NRG3: variants seen among roughly 807,000 people sequenced by gnomAD.
The protein encoded by NRG3 is neuregulin 3.
NRG3 carries 31 observed loss-of-function variants against 66.9 expected under a neutral mutation model. The ratio of observed to expected loss-of-function variants is 0.46; its 90% CI spans 0.35 to 0.63. NRG3 has a LOEUF of 0.63. Ranked by LOEUF, NRG3 falls within the 20% of genes least tolerant of loss-of-function variation. The pLI is 0.00. For missense variants in NRG3, 910 were observed against 878.9 expected, an observed-to-expected ratio of 1.04 and a Z score of -0.45; for synonymous variants, 393 against 359.4, an observed-to-expected ratio of 1.09 and a Z score of -1.06.
intron 3 of NRG3, among the ~76,000 whole-genome samples, chr10:82,818,225 C>T (rs2061797003): frequency 6.6e-6 from 1 of 152,160 alleles, no homozygotes; most frequent in African/African-American, 2.4e-5. Flanking sequence ...TTGTAACCGT[C>T]ATGGCACTGG....
chr10:82,923,790 C>A (rs1001180404), intron 4 of NRG3, among the ~76,000 whole-genome samples: 6 of 152,000 alleles, frequency 3.9e-5, no homozygotes, highest in African/African-American at 1.5e-4. Flanking sequence ...CCCCCCTCCT[C>A]CTTCTACCTG....
chr10:82,060,048 C>T (rs1280544948), intron 1 of NRG3, among the ~76,000 whole-genome samples: 1 of 152,064 alleles, frequency 6.6e-6, no homozygotes, highest in East Asian at 1.9e-4. Context: ...TAATAAAGAC[C>T]TTGTTTGTTG....
chr10:81,941,702 A>G (rs1339473714), intron 1 of NRG3, among the ~76,000 whole-genome samples: 2 of 152,100 alleles, frequency 1.3e-5, no homozygotes, highest in Admixed American at 1.3e-4. Flanking sequence ...TGTCCAGTTT[A>G]TTCACAGTGT....
At chr10:82,716,327 C>CT (rs1307140889) in intron 2 of NRG3, among the ~76,000 whole-genome samples, 1 of 152,162 alleles carries the variant, frequency 6.6e-6, no homozygotes, top group African/African-American at 2.4e-5. Context: ...TATATAGACA[C>CT]TTCCCCGTGA....
intron 2 of NRG3, among the ~76,000 whole-genome samples, chr10:82,677,962 A>T (rs898054205): frequency 6.6e-5 from 10 of 152,176 alleles, no homozygotes; most frequent in African/African-American, 2.4e-4. Context: ...GGAAGGGGCC[A>T]CATGCACGGT....
intron 2 of NRG3, among the ~76,000 whole-genome samples, chr10:82,496,323 G>T (rs1029121757): frequency 2.0e-5 from 3 of 152,170 alleles, no homozygotes; most frequent in Non-Finnish European, 4.4e-5. Context: ...TATTTCATAA[G>T]CCTAGTAATA....
intron 4 of NRG3, among the ~76,000 whole-genome samples, chr10:82,925,276 G>A (rs1177617574): frequency 2.0e-5 from 3 of 152,184 alleles, no homozygotes; most frequent in Non-Finnish European, 4.4e-5. Flanking sequence ...TTCTAGCTAT[G>A]CAACAATGAC....
chr10:82,214,616 C>T (rs1236286711), intron 1 of NRG3, among the ~76,000 whole-genome samples: 1 of 150,078 alleles, frequency 6.7e-6, no homozygotes, highest in African/African-American at 2.5e-5. Flanking sequence ...GCACATGCCA[C>T]CACACCTGGC....
chr10:82,836,272 G>A (rs1040979685), intron 3 of NRG3, among the ~76,000 whole-genome samples: 1 of 152,058 alleles, frequency 6.6e-6, no homozygotes, highest in African/African-American at 2.4e-5. Context: ...AAAAAAAATT[G>A]ATGATCATTG....
At chr10:81,939,954 T>C (rs1268607972) in intron 1 of NRG3, among the ~76,000 whole-genome samples, 5 of 152,034 alleles carry the variant, frequency 3.3e-5, no homozygotes, top group Non-Finnish European at 7.4e-5. Flanking sequence ...ATCCCATGGA[T>C]TTTGGTATGC....
At chr10:82,594,623 C>G (rs1057168418) in intron 2 of NRG3, among the ~76,000 whole-genome samples, 1 of 152,154 alleles carries the variant, frequency 6.6e-6, no homozygotes, top group Non-Finnish European at 1.5e-5. Context: ...ATGCTAATCT[C>G]TTTGAATACA....
At chr10:82,534,376 T>C (rs900546297) in intron 2 of NRG3, among the ~76,000 whole-genome samples, 2 of 152,030 alleles carry the variant, frequency 1.3e-5, no homozygotes, top group Non-Finnish European at 2.9e-5. Context: ...GCTATTCTCC[T>C]GCCTCAGCTT....
chr10:82,780,463 C>CT lies in NRG3; in HGVS notation c.1027+41824dup, dbSNP rs1007056127. On this transcript the variant is annotated intron_variant, in intron 3 of 8. Transcript: ENST00000372141. The stretch of plus-strand genomic sequence containing the variant: ...ATTCTGTCATCTCAGCATTGCGCCT[C>CT]TTTTTTTTTTTCTTTTCTTTTTTTT... Among the ~76,000 whole-genome samples the CT allele has an allele frequency of 4.3e-3, 526 of 122,046 alleles. 12 individuals carry two copies. The East Asian group carries it at 0.063, about 15-fold the overall frequency. The allele number at this position is 122,046 out of a possible 152,430, so 80.1% of individuals were successfully genotyped here.
At chr10:82,122,901 A>AT (rs2068186618) in intron 1 of NRG3, among the ~76,000 whole-genome samples, 2 of 151,776 alleles carry the variant, frequency 1.3e-5, no homozygotes, top group East Asian at 3.9e-4. Flanking sequence ...ACACCTCTTA[A>AT]TCTCTCTTTC....
intron 2 of NRG3, among the ~76,000 whole-genome samples, chr10:82,553,951 G>A (rs781771617): frequency 2.0e-5 from 3 of 152,124 alleles, no homozygotes; most frequent in Non-Finnish European, 2.9e-5. Flanking sequence ...GTGCAAACCT[G>A]TAGATTTAAT....
rs74610801 is a variant in NRG3 at position 82,973,233 on chromosome 10, A to G, written c.1285-555A>G. Among the ~76,000 whole-genome samples, 21 of 152,334 alleles carry G rather than the reference A, an allele frequency of 1.4e-4. No homozygotes were observed. The East Asian group carries it at 3.9e-3, about 28-fold the overall frequency. ...AGCTATTATAGTCAAAGGAGAAACCAAGAGTTCTGAACTATAAGGAGTGAA... is the reference window on the plus strand; with the variant it reads ...AGCTATTATAGTCAAAGGAGAAACCGAGAGTTCTGAACTATAAGGAGTGAA... On this transcript the variant is annotated intron_variant, in intron 6 of 8. Coordinates refer to ENST00000372141, the MANE Select transcript of NRG3 (RefSeq NM_001010848.4).
chr10:82,578,670 C>T (rs573572659), intron 2 of NRG3, among the ~76,000 whole-genome samples: 1 of 151,772 alleles, frequency 6.6e-6, no homozygotes, highest in Non-Finnish European at 1.5e-5. Flanking sequence ...TCCTAAATAG[C>T]TACGCTTATT....
chr10:82,132,290 A>T (rs1462490441), intron 1 of NRG3, among the ~76,000 whole-genome samples: 1 of 151,092 alleles, frequency 6.6e-6, no homozygotes, highest in Non-Finnish European at 1.5e-5. Context: ...CAATGGAAAT[A>T]ATCATATGGT....
At position 82,218,919 on chromosome 10, in the gene NRG3, T is replaced by C. The variant is rs188775908; in HGVS notation, c.824-139820T>C. 5.0e-3 allele frequency among the ~76,000 whole-genome samples: 758 copies of C among 152,220 alleles called. 1 individual carries two copies. Among genetic ancestry groups the C allele is most frequent in the Non-Finnish European group, 8.1e-3 (552 of 68,022 alleles). On this transcript the variant is annotated intron_variant, in intron 1 of 8. Transcript: ENST00000372141. ...GGGAAGTCAAGGAGTTGGGCTTGCA[T>C]TGCAGAGAATGGCTAAGAAAGGAGA...
Sources: gnomAD v4.1 joint callset for allele counts (sites outside exome capture counted in the v4.1 genomes callset) on GRCh38, gnomAD v4.1.1 for gene constraint, MANE v1.5 for transcripts, NCBI Gene and HGNC (gene_info 2026-07-23, HGNC 2026-07-21) for gene names.